Variants in SLIT3 observed in about 807,000 individuals in gnomAD.
SLIT3 encodes the protein slit guidance ligand 3.
A neutral mutation model predicts 184.0 loss-of-function variants in SLIT3; 68 were observed. That is an observed-to-expected ratio of 0.37 (90% confidence interval 0.30 to 0.45). The LOEUF (loss-of-function observed/expected upper bound fraction) is 0.45, where lower values mean the gene tolerates loss of function less well. Ranked by LOEUF, SLIT3 falls within the 20% of genes least tolerant of loss-of-function variation. The pLI, the probability that SLIT3 is intolerant of heterozygous loss-of-function variation, is 1.00. For missense variants in SLIT3, 1,707 were observed against 2,026.0 expected (o/e 0.84, Z 3.02); for synonymous variants, 831 against 828.6 (o/e 1.00, Z -0.05).
intron 4 of SLIT3, among the ~76,000 whole-genome samples, chr5:169,183,202 G>A (rs913733795): frequency 6.6e-6 from 1 of 152,204 alleles, no homozygotes; most frequent in South Asian, 2.1e-4. Context: ...CCTAGAAAGG[G>A]GGCAGGAATG....
intron 4 of SLIT3, among the ~76,000 whole-genome samples, chr5:169,082,693 C>T (rs1475889577): frequency 6.6e-6 from 1 of 152,210 alleles, no homozygotes; most frequent in East Asian, 1.9e-4. Context: ...TTAATTGGTT[C>T]AGCACATCCT....
At chr5:169,165,708 C>T (rs1419542614) in intron 4 of SLIT3, among the ~76,000 whole-genome samples, 1 of 151,864 alleles carries the variant, frequency 6.6e-6, no homozygotes, top group Non-Finnish European at 1.5e-5. Context: ...CTAAAATTCA[C>T]TCCACCCTTC....
At chr5:169,083,615 T>C (rs1759159921) in intron 4 of SLIT3, among the ~76,000 whole-genome samples, 1 of 152,146 alleles carries the variant, frequency 6.6e-6, no homozygotes, top group Non-Finnish European at 1.5e-5. Context: ...AGTTCAGAGT[T>C]TAATTAGCCA....
At chr5:169,145,068 G>A (rs905876719) in intron 4 of SLIT3, among the ~76,000 whole-genome samples, 2 of 152,248 alleles carry the variant, frequency 1.3e-5, no homozygotes, top group African/African-American at 2.4e-5. Context: ...TAAGGGCAGC[G>A]AACCTTGTGA....
At chr5:168,695,637 C>G (rs1192434726) in intron 28 of SLIT3, among the ~76,000 whole-genome samples, 1 of 151,960 alleles carries the variant, frequency 6.6e-6, no homozygotes, top group Non-Finnish European at 1.5e-5. Context: ...TTTAACTGTC[C>G]TTTTTAGGGG....
chr5:168,772,723 C>T (rs779030071), intron 14 of SLIT3, 58 bp downstream of exon 14: 2 of 1,595,342 alleles, frequency 1.3e-6, no homozygotes, highest in Non-Finnish European at 1.7e-6. Context: ...TTATTGGCCT[C>T]TCTGGGGCTG....
At chr5:169,287,812 C>G (rs1016577633) in intron 1 of SLIT3, among the ~76,000 whole-genome samples, 3 of 152,128 alleles carry the variant, frequency 2.0e-5, no homozygotes, top group Admixed American at 2.0e-4. Context: ...TTCCAAAGGA[C>G]CTGGTGAATG....
chr5:168,729,599 G>A (rs2113393550), intron 20 of SLIT3, among the ~76,000 whole-genome samples: 1 of 152,084 alleles, frequency 6.6e-6, no homozygotes, highest in East Asian at 1.9e-4. Context: ...AATACTAAGG[G>A]AATTTGCCAC....
Position 168,775,596 on chromosome 5 carries a change from C to T in SLIT3, c.1152-1218G>A, listed in dbSNP as rs550717332. ...TATAGGATATCTACCATTGGCCTTC[C>T]ACACAGGATTAGGAGCTCTATAATG... On this transcript the variant is annotated intron_variant, in intron 12 of 35. Transcript: ENST00000519560. Among the ~76,000 whole-genome samples, 7 of 152,282 alleles carry T rather than the reference C, an allele frequency of 4.6e-5. No homozygotes were observed. The South Asian group carries it at 1.5e-3, about 32-fold the overall frequency.
In SLIT3 at chr5:169,015,155, T is replaced by A. The variant is rs546305282; in HGVS notation, c.414-131819A>T. Among the ~76,000 whole-genome samples the A allele has an allele frequency of 9.9e-5, 15 of 151,598 alleles. No individual in the cohort carries two copies. In the South Asian group the frequency reaches 3.1e-3, roughly 32 times the overall value. ...ATGAGTTGATATATTTGGCTCAGCC[T>A]GGTTTTTCTGTGTATTAGGAAAGGA... On this transcript the variant is annotated intron_variant, in intron 4 of 35. Coordinates refer to ENST00000519560, the MANE Select transcript of SLIT3 (RefSeq NM_003062.4).
chr5:168,896,467 T>A (rs1760667035), intron 4 of SLIT3, among the ~76,000 whole-genome samples: 1 of 152,144 alleles, frequency 6.6e-6, no homozygotes, highest in Non-Finnish European at 1.5e-5. Context: ...AACCCTGCCT[T>A]CTTGCCCCAC....
intron 4 of SLIT3, among the ~76,000 whole-genome samples, chr5:169,075,652 G>A (rs994086029): frequency 6.6e-6 from 1 of 152,334 alleles, no homozygotes; most frequent in South Asian, 2.1e-4. Context: ...GGAAGCAAAA[G>A]AGAGACTTGG....
rs139814836 is a variant in SLIT3, at chr5:168,859,401, CA to C, written c.486-14747del. Among the ~76,000 whole-genome samples the C allele has an allele frequency of 8.0e-3, 1,209 of 152,046 alleles. 17 individuals are homozygous for C. The highest frequency in any genetic ancestry group is 0.027 in the African/African-American group (1,131 of 41,476). On this transcript the variant is annotated intron_variant, in intron 5 of 35. Transcript: ENST00000519560. ...TAATTAAAACCAGCACCATTTTTTT[CA>C]AGATAAAAGCCCCTTTGACAACCAT...
At chr5:169,196,423 GAC>G (rs1763744130) in intron 3 of SLIT3, among the ~76,000 whole-genome samples, 1 of 152,166 alleles carries the variant, frequency 6.6e-6, no homozygotes, top group East Asian at 1.9e-4. Flanking sequence ...AGTCTTAAAT[GAC>G]ACAGTGTCTA....
At chr5:169,277,711 A>G (rs988400349) in intron 1 of SLIT3, among the ~76,000 whole-genome samples, 24 of 152,168 alleles carry the variant, frequency 1.6e-4, no homozygotes, top group African/African-American at 5.1e-4. Context: ...TAATGCTGCA[A>G]TGAAAGTTGG....
chr5:168,685,545 A>G (rs1761715913), intron 31 of SLIT3, 142 bp downstream of exon 31: 2 of 1,055,410 alleles, frequency 1.9e-6, no homozygotes, highest in Admixed American at 2.6e-5. Context: ...TCTCTGGATG[A>G]GTTGGTCCAG....
chr5:169,055,076 G>T (rs563284987), intron 4 of SLIT3, among the ~76,000 whole-genome samples: 3 of 152,232 alleles, frequency 2.0e-5, no homozygotes, highest in Admixed American at 1.3e-4. Flanking sequence ...CAAATGATTG[G>T]ATCACTGGTA....
rs190247476 is a variant in SLIT3 at position 169,068,991 on chromosome 5, G to A, written c.413+124488C>T. Among the ~76,000 whole-genome samples the A allele has an allele frequency of 4.9e-3, 744 of 152,238 alleles. 7 individuals carry two copies. The highest frequency in any genetic ancestry group is 6.8e-3 in the Middle Eastern group (2 of 294). On this transcript the variant is annotated intron_variant, in intron 4 of 35. Transcript: ENST00000519560. ...TTACAACACATAGAATAAATAAGTG[G>A]ATAGGCATGAACCCTACCACAATCA... is the stretch of plus-strand genomic sequence containing the variant.
At position 168,693,841 on chromosome 5, in the gene SLIT3, A is replaced by G. The variant is rs115287418; in HGVS notation, c.3083-1141T>C. ...GGAGCACTGAACCCCTCCCTCTCCA[A>G]ATTTTGCCTTCAGCCTCTCAAGACC... On this transcript the variant is annotated intron_variant, in intron 28 of 35. Transcript: ENST00000519560. 3.5e-3 allele frequency among the ~76,000 whole-genome samples: 525 copies of G among 152,160 alleles called. 3 individuals carry two copies. The highest frequency in any genetic ancestry group is 0.012 in the African/African-American group (487 of 41,508).
Sources: allele counts gnomAD v4.1 joint callset (sites outside exome capture counted in the v4.1 genomes callset), GRCh38; gene constraint gnomAD v4.1.1; transcripts MANE v1.5; gene names NCBI Gene and HGNC (gene_info 2026-07-23, HGNC 2026-07-21).